POTEF: variants seen among roughly 807,000 people sequenced by gnomAD.
POTEF encodes the protein ANKRD26-like family C member 1B.
POTEF carries 20 observed loss-of-function variants against 83.2 expected under a neutral mutation model. The ratio of observed to expected loss-of-function variants is 0.24; its 90% CI spans 0.17 to 0.35. The LOEUF (loss-of-function observed/expected upper bound fraction) is 0.35. Among genes scored for constraint, POTEF ranks in the 10% least tolerant of loss-of-function variants. POTEF has a pLI of 1.00. For missense variants in POTEF, 550 were observed against 1,203.2 expected, an observed-to-expected ratio of 0.46 and a Z score of 8.03; for synonymous variants, 196 against 446.4, an observed-to-expected ratio of 0.44 and a Z score of 7.07.
intron 1 of POTEF, among the ~76,000 whole-genome samples, chr2:130,128,788 C>T (rs1305043521): frequency 7.3e-6 from 1 of 137,686 alleles, no homozygotes; most frequent in Non-Finnish European, 1.5e-5. Flanking sequence ...CCACTCCCTG[C>T]CCCGGGCAGT....
At chr2:130,117,944 T>TC (rs958451188) in intron 3 of POTEF, among the ~76,000 whole-genome samples, 19 of 38,240 alleles carry the variant, frequency 5.0e-4, no homozygotes, top group African/African-American at 1.0e-3. Context: ...CCTTTTTTTT[T>TC]TCTTTTTTTT....
At chr2:130,085,121 A>G in intron 15 of POTEF, among the ~76,000 whole-genome samples, 1 of 112,582 alleles carries the variant, frequency 8.9e-6, no homozygotes, top group South Asian at 3.7e-4. Context: ...TACATATAAC[A>G]TATCTATACA....
chr2:130,102,122 A>G lies in POTEF; in HGVS notation c.1185T>C (p.Asn395=), dbSNP rs1398060101. 6.2e-7 allele frequency: 1 copy of G among 1,607,214 alleles called. No homozygotes were observed. The highest frequency in any genetic ancestry group is 8.5e-7 in the Non-Finnish European group (1 of 1,178,780). The change falls in exon 9 of 17, where the codon AAT becomes AAC. Residue 395 remains asparagine (N), a synonymous_variant. Transcript: ENST00000409914. ...AAATTTTCCATGCCTCTGGCTGGCT[A>G]TTTTCACTGCCTTTGAACCTTTGTG... ...EESQRFKGSE[N]SQPEKMSQEP... is the part of the protein sequence containing the mutation.
At chr2:130,101,301 T>G (rs1684366550) in intron 9 of POTEF, among the ~76,000 whole-genome samples, 1 of 150,736 alleles carries the variant, frequency 6.6e-6, no homozygotes, top group Non-Finnish European at 1.5e-5. Flanking sequence ...ATGATAGTGT[T>G]ATGTATCCAG....
rs540116564 is a variant in POTEF, at chr2:130,107,577, T to C, written c.1126+432A>G. 186 of 233,242 alleles carry C rather than the reference T, an allele frequency of 8.0e-4. 17 individuals carry two copies. Among genetic ancestry groups the C allele is most frequent in the African/African-American group, 4.3e-3 (177 of 41,310 alleles). 14.4% of individuals were successfully genotyped at this position (233,242 alleles called of 1,614,324 possible). On this transcript the variant is annotated intron_variant, in intron 8 of 16. Coordinates refer to ENST00000409914, the MANE Select transcript of POTEF (RefSeq NM_001099771.2). ...CTTCATCTGTATTTACAGCCACTCCTTATGGCTCATATTACAGCCTCTACT... is the reference window on the plus strand; with the variant it reads ...CTTCATCTGTATTTACAGCCACTCCCTATGGCTCATATTACAGCCTCTACT...
chr2:130,076,797 A>C (rs1271862326), intron 16 of POTEF, among the ~76,000 whole-genome samples: 3 of 151,464 alleles, frequency 2.0e-5, no homozygotes, highest in African/African-American at 7.4e-5. Context: ...CAGTAGCAAA[A>C]CTTATTTCTG....
intron 2 of POTEF, among the ~76,000 whole-genome samples, chr2:130,121,436 T>C (rs1235087179): frequency 1.7e-5 from 2 of 118,528 alleles, no homozygotes; most frequent in Non-Finnish European, 3.4e-5. Flanking sequence ...CAGCTGCAGC[T>C]GGGAGCTCGG....
intron 2 of POTEF, among the ~76,000 whole-genome samples, chr2:130,123,386 T>G (rs1216429765): frequency 6.6e-6 from 1 of 151,970 alleles, no homozygotes; most frequent in Non-Finnish European, 1.5e-5. Flanking sequence ...TATTACCTTG[T>G]TCTCAAAGTT....
chr2:130,107,440 G>A (rs1684572013), intron 8 of POTEF, among the ~76,000 whole-genome samples: 1 of 150,796 alleles, frequency 6.6e-6, no homozygotes, highest in Admixed American at 6.6e-5. Context: ...TCTATGGTAG[G>A]ACCACGCAGA....
intron 3 of POTEF, among the ~76,000 whole-genome samples, chr2:130,116,317 C>T (rs1212075973): frequency 6.6e-6 from 1 of 150,684 alleles, no homozygotes; most frequent in African/African-American, 2.5e-5. Context: ...CCTTTTAAAA[C>T]GGATTTATGA....
chr2:130,100,982 A>T (rs572788206), intron 9 of POTEF, among the ~76,000 whole-genome samples: 1 of 148,890 alleles, frequency 6.7e-6, no homozygotes, highest in East Asian at 1.9e-4. Context: ...TAGCCCAATG[A>T]AGAAAAAAAA....
At chr2:130,128,419 C>T (rs1191276154) in intron 1 of POTEF, among the ~76,000 whole-genome samples, 2 of 151,872 alleles carry the variant, frequency 1.3e-5, no homozygotes. Flanking sequence ...ACCACCTCTG[C>T]AGCCGACCAA....
At chr2:130,101,201 G>T (rs1684363230) in intron 9 of POTEF, among the ~76,000 whole-genome samples, 1 of 145,818 alleles carries the variant, frequency 6.9e-6, no homozygotes, top group African/African-American at 2.7e-5. Flanking sequence ...CTGGATTGTA[G>T]GCACCATTTA....
intron 7 of POTEF, 96 bp downstream of exon 7, chr2:130,110,447 A>G: frequency 1.3e-6 from 2 of 1,573,430 alleles, no homozygotes; most frequent in Non-Finnish European, 1.7e-6. Context: ...TACCTGAACC[A>G]AACTATGACA....
At chr2:130,105,031 C>T (rs1242302636) in intron 8 of POTEF, among the ~76,000 whole-genome samples, 5 of 150,138 alleles carry the variant, frequency 3.3e-5, no homozygotes, top group Non-Finnish European at 7.4e-5. Context: ...TTTCCTCCTT[C>T]GTCCTCACAT....
chr2:130,116,608 G>T (rs1684852406), intron 3 of POTEF, among the ~76,000 whole-genome samples: 1 of 94,468 alleles, frequency 1.1e-5, no homozygotes, highest in African/African-American at 5.0e-5. Flanking sequence ...GCAATATTTG[G>T]TTTTCTCTTC....
chr2:130,110,576 G>A lies in POTEF; in HGVS notation c.1022C>T (p.Ala341Val), dbSNP rs752551146. The change falls in exon 7 of 17, where the codon GCC (alanine) becomes GTC (valine). Residue 341 changes from alanine (A) to valine (V), a missense_variant. By Grantham distance (64) the Ala-to-Val change is moderately conservative (BLOSUM62 0). Transcript: ENST00000409914. ...VSSQDLSGQTAREYAVSSHHH... is the reference protein window; with the variant it reads ...VSSQDLSGQTVREYAVSSHHH... ...ATGACTAGAAACAGCATACTCTCTG[G>A]CCGTCTGTCCAGATAGATCTTGAGA... The A allele has an allele frequency of 1.3e-6, 2 of 1,518,092 alleles. No individual in the cohort carries two copies. The highest frequency in any genetic ancestry group is 2.4e-5 in the South Asian group (2 of 84,880). 94.0% of individuals were successfully genotyped at this position (1,518,092 alleles called of 1,614,324 possible).
chr2:130,073,997 G>C lies in POTEF; in HGVS notation c.*247C>G, dbSNP rs1683696313. On this transcript the variant is annotated 3_prime_UTR_variant, in exon 17 of 17. Coordinates refer to ENST00000409914, the MANE Select transcript of POTEF (RefSeq NM_001099771.2). ...CAATGCGTCTCACAATATTTGGAATGACTATTGAAAAGAAGAACAAGGTAC... is the reference window on the plus strand; with the variant it reads ...CAATGCGTCTCACAATATTTGGAATCACTATTGAAAAGAAGAACAAGGTAC... The C allele has an allele frequency of 8.8e-6, 7 of 798,602 alleles. No individual in the cohort carries two copies. In the East Asian group the frequency reaches 1.1e-4, roughly 13 times the overall value. 49.5% of individuals were successfully genotyped at this position (798,602 alleles called of 1,614,324 possible). A position where few individuals can be genotyped will look rare whatever the true frequency, so the allele number is the denominator to read the frequency against.
chr2:130,104,507 C>T (rs1048469949), intron 8 of POTEF, among the ~76,000 whole-genome samples: 1 of 150,618 alleles, frequency 6.6e-6, no homozygotes, highest in African/African-American at 2.5e-5. Flanking sequence ...AAATGCCCTG[C>T]TAAAGGGATT....
Sources: allele counts gnomAD v4.1 joint callset (sites outside exome capture counted in the v4.1 genomes callset), GRCh38; gene constraint gnomAD v4.1.1; transcripts MANE v1.5; gene names NCBI Gene and HGNC (gene_info 2026-07-23, HGNC 2026-07-21).